Variants in THOC2 observed in about 807,000 individuals in gnomAD.
THOC2 encodes the protein THO complex subunit 2.
A neutral mutation model predicts 128.4 loss-of-function variants in THOC2; 10 were observed. The observed-to-expected ratio is 0.08, with a 90% CI of 0.05 to 0.13. The LOEUF (loss-of-function observed/expected upper bound fraction) is 0.13, where lower values mean the gene tolerates loss of function less well. THOC2 is among the 10% of genes least tolerant of loss of function. The pLI, the probability that THOC2 is intolerant of heterozygous loss-of-function variation, is 1.00. For synonymous variants in THOC2, 393 were observed against 396.9 expected (o/e 0.99, Z 0.12); for missense variants, 535 against 1,155.7 (o/e 0.46, Z 7.79).
In THOC2 at chrX:123,640,815, G is replaced by A. The variant is rs72610604; in HGVS notation, c.1662-193C>T. ...TATTTTGGTTAGGGATTCTCTCAGA[G>A]GATATTAACATTTTATATTAAATGC... On this transcript the variant is annotated intron_variant, in intron 15 of 38. Coordinates refer to ENST00000245838, the MANE Select transcript of THOC2 (RefSeq NM_001081550.2). Among the ~76,000 whole-genome samples the A allele has an allele frequency of 6.3e-5, 7 of 111,712 alleles. No individual in the cohort carries two copies. In the East Asian group the frequency reaches 1.7e-3, roughly 27 times the overall value.
chrX:123,694,729 G>C, intron 7 of THOC2, among the ~76,000 whole-genome samples: 1 of 112,188 alleles, frequency 8.9e-6, no homozygotes, highest in Non-Finnish European at 1.9e-5. Context: ...ACAGCCCTAG[G>C]GGGCCACCCA....
rs2046677732 is a variant in THOC2 at position 123,610,923 on chromosome X, T to C, written c.*13A>G. ...GGTGGTGAGAGAACACTCACCTTGA[T>C]GGAAAGTCTTCATTATCTGTGCTTG... On this transcript the variant is annotated 3_prime_UTR_variant, in exon 38 of 39. Coordinates refer to ENST00000245838, the MANE Select transcript of THOC2 (RefSeq NM_001081550.2). 1.4e-5 allele frequency: 17 copies of C among 1,204,100 alleles called. No homozygotes were observed. Among genetic ancestry groups the C allele is most frequent in the Non-Finnish European group, 1.8e-5 (16 of 891,290 alleles).
At chrX:123,702,510 A>C (rs1198801835) in intron 4 of THOC2, among the ~76,000 whole-genome samples, 1 of 105,628 alleles carries the variant, frequency 9.5e-6, no homozygotes, top group Non-Finnish European at 1.9e-5. Context: ...AAATACATAT[A>C]TACATATATA....
In THOC2 at chrX:123,621,529, TTTTCTCTTTTTC is replaced by T; in HGVS notation, c.3832_3843del (p.Glu1278_Lys1281del). On this transcript the variant is annotated inframe_deletion, in exon 31 of 39. Coordinates refer to ENST00000245838, the MANE Select transcript of THOC2 (RefSeq NM_001081550.2). ...GGAGTAGTAGCTGGAGTCTTTTCTT[TTTTCTCTTTTTC>T]TTTCTCTTTCCCTTTTTCTTTGTCA... 8.5e-7 allele frequency: 1 copy of T among 1,176,838 alleles called. No individual in the cohort carries two copies. The highest frequency in any genetic ancestry group is 1.8e-5 in the African/African-American group (1 of 55,678).
At chrX:123,694,157 T>A (rs1466924271) in intron 7 of THOC2, among the ~76,000 whole-genome samples, 1 of 107,058 alleles carries the variant, frequency 9.3e-6, no homozygotes. Context: ...AAAAAGGATA[T>A]AAAGTTAAAA....
At chrX:123,729,767 C>T (rs1321048296) in intron 1 of THOC2, among the ~76,000 whole-genome samples, 2 of 112,030 alleles carry the variant, frequency 1.8e-5, no homozygotes, top group Non-Finnish European at 3.8e-5. Flanking sequence ...TTTCCAGTTG[C>T]TGTTTTATAT....
chrX:123,611,541 G>T, intron 36 of THOC2, 25 bp from the exon 37 acceptor site: 1 of 1,037,932 alleles, frequency 9.6e-7, no homozygotes, highest in Non-Finnish European at 1.3e-6. Flanking sequence ...AGAATTAGCT[G>T]GGGAAGGGAA....
At chrX:123,602,911 G>A (rs983833444) in intron 38 of THOC2, 1 of 109,478 alleles carries the variant, frequency 9.1e-6, no homozygotes, top group Non-Finnish European at 1.9e-5. Flanking sequence ...GGAGGCTGAG[G>A]AAGGAGAATT....
chrX:123,621,014 C>G, intron 31 of THOC2, 49 bp from the exon 32 acceptor site: 2 of 1,191,145 alleles, frequency 1.7e-6, no homozygotes, highest in Non-Finnish European at 2.3e-6. Flanking sequence ...TTCTAGTTTT[C>G]CAAACACTTA....
chrX:123,637,992 G>A (rs1204086832), intron 18 of THOC2, 51 bp downstream of exon 18: 4 of 895,221 alleles, frequency 4.5e-6, no homozygotes, highest in Non-Finnish European at 6.4e-6. Flanking sequence ...TGCATAACAT[G>A]GCAGTTACCA....
intron 15 of THOC2, among the ~76,000 whole-genome samples, chrX:123,642,681 A>AAG (rs2047972723): frequency 9.2e-6 from 1 of 109,138 alleles, no homozygotes; most frequent in South Asian, 4.1e-4. Context: ...CCAGGAGTTC[A>AAG]AGACCAGCCT....
chrX:123,682,738 G>A (rs1005423912), intron 8 of THOC2, among the ~76,000 whole-genome samples: 1 of 111,686 alleles, frequency 9.0e-6, no homozygotes, highest in African/African-American at 3.3e-5. Context: ...TCTGTTTACA[G>A]ATATAGCCTC....
chrX:123,606,922 C>T (rs1321602891), intron 38 of THOC2, among the ~76,000 whole-genome samples: 1 of 111,551 alleles, frequency 9.0e-6, no homozygotes, highest in Non-Finnish European at 1.9e-5. Context: ...CAGCTTAGCA[C>T]AGCATTTGGT....
At chrX:123,723,342 T>C (rs2051790193) in intron 1 of THOC2, among the ~76,000 whole-genome samples, 3 of 111,812 alleles carry the variant, frequency 2.7e-5, no homozygotes, top group Admixed American at 9.5e-5. Context: ...ACTCATACAC[T>C]GCTGGTGGGA....
In THOC2 at chrX:123,729,476, T is replaced by C. The variant is rs200614082; in HGVS notation, c.71+3476A>G. On this transcript the variant is annotated intron_variant, in intron 1 of 38. Coordinates refer to ENST00000245838, the MANE Select transcript of THOC2 (RefSeq NM_001081550.2). ...TATCTGAAAGTTATAAAATGCCCCA[T>C]ACATCTCTTATGTTGCTTTCAACAC... 9.8e-5 allele frequency among the ~76,000 whole-genome samples: 11 copies of C among 112,292 alleles called. No individual in the cohort carries two copies. The East Asian group carries it at 3.1e-3, about 31-fold the overall frequency.
chrX:123,645,672 G>A (rs1375914364), intron 12 of THOC2, among the ~76,000 whole-genome samples: 1 of 112,729 alleles, frequency 8.9e-6, no homozygotes, highest in Non-Finnish European at 1.9e-5. Flanking sequence ...TTATAAAAGT[G>A]TAGCAAGGGC....
chrX:123,611,108 A>G (rs2046685534), intron 37 of THOC2, 145 bp from the exon 38 acceptor site: 1 of 516,367 alleles, frequency 1.9e-6, no homozygotes, highest in Non-Finnish European at 3.2e-6. Context: ...TGCTTGTCTG[A>G]CTCATCATTT....
At chrX:123,708,977 C>G (rs2051059683) in intron 2 of THOC2, among the ~76,000 whole-genome samples, 1 of 111,648 alleles carries the variant, frequency 9.0e-6, no homozygotes, top group Admixed American at 9.5e-5. Flanking sequence ...GAACTCCTGA[C>G]CTCAAGTGAT....
chrX:123,683,795 T>C (rs2049890794), intron 8 of THOC2, among the ~76,000 whole-genome samples: 1 of 110,285 alleles, frequency 9.1e-6, no homozygotes, highest in Non-Finnish European at 1.9e-5. Flanking sequence ...AGACAAGGTT[T>C]TTCCACGTTG....
Sources: gnomAD v4.1 joint callset for allele counts (sites outside exome capture counted in the v4.1 genomes callset) on GRCh38, gnomAD v4.1.1 for gene constraint, MANE v1.5 for transcripts, NCBI Gene and HGNC (gene_info 2026-07-23, HGNC 2026-07-21) for gene names.